Variants in LRRC39 observed in about 807,000 individuals in gnomAD.
LRRC39 encodes the protein leucine rich repeat containing 39.
A neutral mutation model predicts 39.7 loss-of-function variants in LRRC39; 35 were observed. That is an observed-to-expected ratio of 0.88 (90% CI 0.67 to 1.17). The LOEUF (loss-of-function observed/expected upper bound fraction) is 1.17. LRRC39 is among the 50% of genes most tolerant of loss of function. LRRC39 has a pLI of 0.00. For synonymous variants in LRRC39, 113 were observed against 134.1 expected (o/e 0.84, Z 1.09); for missense variants, 357 against 385.8 (o/e 0.93, Z 0.62).
At chr1:100,165,637 C>A (rs1418736713) in intron 3 of LRRC39, among the ~76,000 whole-genome samples, 1 of 152,158 alleles carries the variant, frequency 6.6e-6, no homozygotes, top group African/African-American at 2.4e-5. Context: ...GCCCCCCACC[C>A]TCGTTTACTG....
At chr1:100,165,144 T>A (rs1267375829) in intron 3 of LRRC39, among the ~76,000 whole-genome samples, 1 of 152,220 alleles carries the variant, frequency 6.6e-6, no homozygotes, top group Non-Finnish European at 1.5e-5. Context: ...AATGTAATTG[T>A]TTTAAGATTA....
At chr1:100,164,432 T>C (rs980366326) in intron 3 of LRRC39, among the ~76,000 whole-genome samples, 3 of 152,206 alleles carry the variant, frequency 2.0e-5, no homozygotes, top group African/African-American at 7.2e-5. Context: ...TCCAGACTCT[T>C]GGTCCTACTC....
intron 8 of LRRC39, among the ~76,000 whole-genome samples, chr1:100,152,807 C>T (rs1658153149): frequency 6.6e-6 from 1 of 152,090 alleles, no homozygotes; most frequent in Admixed American, 6.5e-5. Flanking sequence ...ACTCATGGCA[C>T]CCTCCACCTC....
Position 100,156,299 on chromosome 1 carries a change from G to A in LRRC39, c.532C>T (p.Leu178Phe). The change falls in exon 7 of 10, where the codon CTT (leucine) becomes TTT (phenylalanine). Residue 178 changes from leucine to phenylalanine, a missense_variant. Transcript: ENST00000370137. ...TTCATACTCAGATCAAGGTGAGTAA[G>A]TTTTAGCAGATTGCTGAGCTGAAGA... Reference protein sequence around the residue: ...LPQELSNLLKLTHLDLSMNDF... With the variant: ...LPQELSNLLKFTHLDLSMNDF... 7 of 1,609,448 alleles carry A rather than the reference G, an allele frequency of 4.3e-6. No homozygotes were observed. The highest frequency in any genetic ancestry group is 5.9e-6 in the Non-Finnish European group (7 of 1,177,036).
At chr1:100,166,165 A>C (rs1277200661) in intron 3 of LRRC39, among the ~76,000 whole-genome samples, 3 of 152,148 alleles carry the variant, frequency 2.0e-5, no homozygotes, top group African/African-American at 2.4e-5. Context: ...ACTGTGAGTC[A>C]ATTAAACCTC....
chr1:100,178,911 T>G (rs537730320), upstream of LRRC39, among the ~76,000 whole-genome samples: 18 of 152,302 alleles, frequency 1.2e-4, no homozygotes, highest in Admixed American at 3.9e-4. Context: ...GCCAGTTCTT[T>G]GTGTACCTTT....
In LRRC39 at chr1:100,155,642, CAG is replaced by C. The variant is rs568364527; in HGVS notation, c.660-441_660-440del. 3.0e-4 allele frequency among the ~76,000 whole-genome samples: 45 copies of C among 152,268 alleles called. 1 individual carries two copies. The South Asian group carries it at 4.6e-3, about 15-fold the overall frequency. On this transcript the variant is annotated intron_variant, in intron 7 of 9. Coordinates refer to ENST00000370137, the MANE Select transcript of LRRC39 (RefSeq NM_144620.4). ...ACTGTAAATGTTACCTAATCTGAGACAGAGTCTTAAGAGAACAATAAAATGAT... is the reference window on the plus strand; with the variant it reads ...ACTGTAAATGTTACCTAATCTGAGACAGTCTTAAGAGAACAATAAAATGAT...
Position 100,168,415 on chromosome 1 carries a change from T to A in LRRC39, c.102A>T (p.Glu34Asp). The change falls in exon 3 of 10, where the codon GAA becomes GAT. Residue 34 changes from glutamate (E) to aspartate (D), a missense_variant. Physicochemically the swap from Glu to Asp is conservative, Grantham distance 45 (BLOSUM62 2). Transcript: ENST00000370137. ...ATGTTTTAGCATACTTGTGTTGAAA[T>A]TCCTTCTCTCGCTTCAGGTCTTCAT... ...KLNEDLKREKEFQHKLVRIWE... is the reference protein window; with the variant it reads ...KLNEDLKREKDFQHKLVRIWE... 6.2e-7 allele frequency: 1 copy of A among 1,605,498 alleles called. No homozygotes were observed. Among genetic ancestry groups the A allele is most frequent in the Non-Finnish European group, 8.5e-7 (1 of 1,177,086 alleles).
chr1:100,153,865 C>A (rs1370451025), intron 8 of LRRC39, among the ~76,000 whole-genome samples: 2 of 152,098 alleles, frequency 1.3e-5, no homozygotes, highest in African/African-American at 2.4e-5. Context: ...AAGCGATCCT[C>A]CAGCCTCAGC....
chr1:100,151,340 A>G (rs1207824570), intron 9 of LRRC39, among the ~76,000 whole-genome samples: 5 of 151,934 alleles, frequency 3.3e-5, no homozygotes. Context: ...TTGTCTTTAT[A>G]TATTCTCTGC....
intron 2 of LRRC39, among the ~76,000 whole-genome samples, chr1:100,170,660 CTTTA>C (rs1182062294): frequency 1.1e-4 from 17 of 151,942 alleles, no homozygotes; most frequent in Non-Finnish European, 2.1e-4. Flanking sequence ...TTTTTTATAT[CTTTA>C]TTTCTTTCGT....
At chr1:100,179,418 T>C (rs1357051744), upstream of LRRC39, among the ~76,000 whole-genome samples, 3 of 139,928 alleles carry the variant, frequency 2.1e-5, no homozygotes, top group Non-Finnish European at 4.5e-5. Context: ...TCCCAGCACT[T>C]TGAGAGGCCA....
intron 1 of LRRC39, among the ~76,000 whole-genome samples, chr1:100,174,992 TC>T (rs1659860277): frequency 2.0e-5 from 3 of 150,174 alleles, no homozygotes; most frequent in African/African-American, 7.3e-5. Context: ...TTGTGGCACC[TC>T]CCCCTGCTCC....
rs537862372 is a variant in LRRC39, at chr1:100,177,506, G to A, written c.-119+629C>T. On this transcript the variant is annotated intron_variant, in intron 1 of 9. Coordinates refer to ENST00000370137, the MANE Select transcript of LRRC39 (RefSeq NM_144620.4). Reference sequence around the variant, plus strand: ...CCGAATTTACTCAGGAACAGAATGCGAGATCTCTTTGCTGTGAAGAAACCT... The same window carrying A: ...CCGAATTTACTCAGGAACAGAATGCAAGATCTCTTTGCTGTGAAGAAACCT... 1.1e-3 allele frequency among the ~76,000 whole-genome samples: 174 copies of A among 152,324 alleles called. No individual in the cohort carries two copies. The Middle Eastern group carries it at 0.024, about 21-fold the overall frequency.
intron 4 of LRRC39, among the ~76,000 whole-genome samples, chr1:100,159,693 C>T (rs1489759669): frequency 7.0e-6 from 1 of 142,818 alleles, no homozygotes; most frequent in Non-Finnish European, 1.5e-5. Flanking sequence ...AATGTACACA[C>T]ATCCAGTATG....
intron 2 of LRRC39, among the ~76,000 whole-genome samples, chr1:100,169,174 C>A (rs541967790): frequency 6.6e-6 from 1 of 152,014 alleles, no homozygotes; most frequent in Admixed American, 6.6e-5. Flanking sequence ...ATCCTATGGC[C>A]TTAAAATAAT....
chr1:100,179,499 C>CAAAAAAAA (rs60588308), upstream of LRRC39, among the ~76,000 whole-genome samples: 8 of 45,602 alleles, frequency 1.8e-4, no homozygotes, highest in African/African-American at 3.3e-4. Context: ...CTGTATCTAC[C>CAAAAAAAA]AAAAAAAAAA....
intron 8 of LRRC39, among the ~76,000 whole-genome samples, chr1:100,154,080 G>A (rs569466550): frequency 6.0e-5 from 9 of 150,526 alleles, no homozygotes; most frequent in African/African-American, 2.2e-4. Flanking sequence ...TTTTAGGTTG[G>A]TATTATAACA....
At chr1:100,172,630 C>G (rs1411333950) in intron 2 of LRRC39, among the ~76,000 whole-genome samples, 1 of 150,202 alleles carries the variant, frequency 6.7e-6, no homozygotes, top group Non-Finnish European at 1.5e-5. Context: ...CGAGACCAGC[C>G]TAGGCAACAC....
Sources: allele counts gnomAD v4.1 joint callset (sites outside exome capture counted in the v4.1 genomes callset), GRCh38; gene constraint gnomAD v4.1.1; transcripts MANE v1.5; gene names NCBI Gene and HGNC (gene_info 2026-07-23, HGNC 2026-07-21).